Variants in CSMD2 observed in about 807,000 individuals in gnomAD.
The protein encoded by CSMD2 is CUB and Sushi multiple domains 2.
Under a neutral mutation model 398.5 loss-of-function variants are expected in CSMD2, and 130 were observed. That is an observed-to-expected ratio of 0.33 (90% CI 0.28 to 0.38). CSMD2 has a LOEUF of 0.38. CSMD2 is among the 10% of genes least tolerant of loss of function. CSMD2 has a pLI of 1.00. For synonymous variants in CSMD2, 1,828 were observed against 1,908.5 expected (o/e 0.96, Z 1.10); for missense variants, 3,829 against 4,764.9 (o/e 0.80, Z 5.78).
At chr1:33,719,836 A>G (rs529288079) in intron 19 of CSMD2, among the ~76,000 whole-genome samples, 2 of 152,348 alleles carry the variant, frequency 1.3e-5, no homozygotes, top group African/African-American at 4.8e-5. Context: ...TATGCAAAGC[A>G]CACAGCATAG....
At chr1:33,944,032 T>A (rs1644763055) in intron 3 of CSMD2, among the ~76,000 whole-genome samples, 1 of 152,014 alleles carries the variant, frequency 6.6e-6, no homozygotes, top group South Asian at 2.1e-4. Context: ...TTTTTTGGCC[T>A]TGCAGGCTAT....
At chr1:33,993,563 CCTCT>C (rs1006339239) in intron 3 of CSMD2, among the ~76,000 whole-genome samples, 5 of 151,974 alleles carry the variant, frequency 3.3e-5, no homozygotes, top group African/African-American at 7.3e-5. Context: ...CCAGCCTCTC[CCTCT>C]CTCTCTCGTC....
At chr1:33,910,630 C>T (rs1643400377) in intron 5 of CSMD2, among the ~76,000 whole-genome samples, 1 of 152,140 alleles carries the variant, frequency 6.6e-6, no homozygotes, top group Non-Finnish European at 1.5e-5. Flanking sequence ...GGCTGGTCCA[C>T]CAAGGTTTAT....
intron 3 of CSMD2, among the ~76,000 whole-genome samples, chr1:34,019,587 A>G (rs1164703674): frequency 6.6e-6 from 1 of 152,190 alleles, no homozygotes; most frequent in African/African-American, 2.4e-5. Flanking sequence ...GTGAAGGTTC[A>G]GAAACATTCT....
chr1:33,948,556 T>G (rs763111831), intron 3 of CSMD2, among the ~76,000 whole-genome samples: 1 of 152,196 alleles, frequency 6.6e-6, no homozygotes, highest in Non-Finnish European at 1.5e-5. Flanking sequence ...CACATGACAA[T>G]GGATACAACA....
intron 3 of CSMD2, among the ~76,000 whole-genome samples, chr1:33,959,098 A>G (rs1645263836): frequency 6.6e-6 from 1 of 152,176 alleles, no homozygotes; most frequent in South Asian, 2.1e-4. Flanking sequence ...TCGTGGTCAC[A>G]GTGAGATGAT....
intron 25 of CSMD2, among the ~76,000 whole-genome samples, chr1:33,673,812 T>G (rs1644601803): frequency 6.6e-6 from 1 of 152,216 alleles, no homozygotes; most frequent in African/African-American, 2.4e-5. Context: ...ATATTCAACA[T>G]TCTTAAAGAA....
chr1:34,160,332 T>C (rs1641214613), intron 1 of CSMD2, among the ~76,000 whole-genome samples: 1 of 152,228 alleles, frequency 6.6e-6, no homozygotes, highest in African/African-American at 2.4e-5. Flanking sequence ...AAATTCAAAT[T>C]CATACACACA....
At chr1:33,916,404 A>G (rs34757711) in intron 5 of CSMD2, among the ~76,000 whole-genome samples, 7,491 of 152,328 alleles carry the variant, frequency 0.049, 217 homozygotes, top group Middle Eastern at 0.12. Flanking sequence ...AAAGAGGCAG[A>G]GGTCCAAGGG....
In CSMD2 at chr1:33,623,298, A is replaced by T. The variant is rs938088089; in HGVS notation, c.5722+72T>A. Reference sequence around the variant, plus strand: ...AAGTGATATCTCAATAATAATAATGATAATAACAATGTTCATGATGATGAG... The same window carrying T: ...AAGTGATATCTCAATAATAATAATGTTAATAACAATGTTCATGATGATGAG... On this transcript the variant is annotated intron_variant, in intron 36 of 70. Coordinates refer to ENST00000373381, the MANE Select transcript of CSMD2 (RefSeq NM_001281956.2). The T allele has an allele frequency of 4.1e-6, 4 of 966,860 alleles. No homozygotes were observed. The African/African-American group carries it at 4.9e-5, about 12-fold the overall frequency. 59.9% of individuals were successfully genotyped at this position (966,860 alleles called of 1,614,324 possible).
chr1:33,715,336 T>A (rs796888350), intron 20 of CSMD2, among the ~76,000 whole-genome samples: 1 of 152,226 alleles, frequency 6.6e-6, no homozygotes, highest in Non-Finnish European at 1.5e-5. Context: ...CTCAGCTACG[T>A]TGGCACTTGA....
intron 5 of CSMD2, among the ~76,000 whole-genome samples, chr1:33,861,873 C>G (rs1558017469): frequency 6.6e-6 from 1 of 152,134 alleles, no homozygotes; most frequent in Non-Finnish European, 1.5e-5. Flanking sequence ...GACACAGAAC[C>G]AGCTCCAAGT....
chr1:33,866,034 C>T (rs1370144226), intron 5 of CSMD2, among the ~76,000 whole-genome samples: 1 of 152,162 alleles, frequency 6.6e-6, no homozygotes, highest in Non-Finnish European at 1.5e-5. Context: ...AACAGATCTC[C>T]CTAACTCCAC....
At chr1:33,784,410 T>C (rs1402560046) in intron 12 of CSMD2, among the ~76,000 whole-genome samples, 3 of 152,108 alleles carry the variant, frequency 2.0e-5, no homozygotes, top group Non-Finnish European at 2.9e-5. Context: ...GTGAGAATGA[T>C]GGGCTTTGCC....
rs1355685506 is a variant in CSMD2, at chr1:33,559,865, T to C, written c.8381-392A>G. On this transcript the variant is annotated intron_variant, in intron 53 of 70. Coordinates refer to ENST00000373381, the MANE Select transcript of CSMD2 (RefSeq NM_001281956.2). The surrounding 1 kb of genome is among the most constrained non-coding windows in gnomAD (Gnocchi z 4.0). ...GCTGGTTTAGGCCCATCCTCATTCCTGAGCCAACCTTGTAGAACCAGAGTG... is the reference window on the plus strand; with the variant it reads ...GCTGGTTTAGGCCCATCCTCATTCCCGAGCCAACCTTGTAGAACCAGAGTG... Among the ~76,000 whole-genome samples the C allele has an allele frequency of 6.6e-6, 1 of 152,182 alleles. No individual in the cohort carries two copies. The highest frequency in any genetic ancestry group is 2.4e-5 in the African/African-American group (1 of 41,442).
intron 22 of CSMD2, among the ~76,000 whole-genome samples, chr1:33,706,402 T>C (rs1208309025): frequency 1.3e-5 from 2 of 152,260 alleles, no homozygotes. Flanking sequence ...TGGGTGATCA[T>C]GTTTTTCATC....
At chr1:33,829,740 G>A (rs1335929348) in intron 6 of CSMD2, among the ~76,000 whole-genome samples, 1 of 152,200 alleles carries the variant, frequency 6.6e-6, no homozygotes, top group African/African-American at 2.4e-5. Flanking sequence ...GGATCAGGGA[G>A]TTCCCTTTCA....
intron 1 of CSMD2, among the ~76,000 whole-genome samples, chr1:34,091,322 C>G (rs188972344): frequency 6.6e-6 from 1 of 152,134 alleles, no homozygotes; most frequent in African/African-American, 2.4e-5. Flanking sequence ...TGGCTAGACA[C>G]TCTCCTAAAA....
rs75846180 is a variant in CSMD2 at position 33,851,334 on chromosome 1, C to G, written c.921-4338G>C. On this transcript the variant is annotated intron_variant, in intron 5 of 70. Transcript: ENST00000373381. ...TGGCTTCTGTCCTCCCAGAGCATCT[C>G]CTGTGGGCATTATCTGTTAAGTAAG... Among the ~76,000 whole-genome samples, 1,046 of 152,300 alleles carry G rather than the reference C, an allele frequency of 6.9e-3. 14 individuals carry two copies. The highest frequency in any genetic ancestry group is 0.034 in the East Asian group (174 of 5,176).
Sources: gnomAD v4.1 joint callset for allele counts (sites outside exome capture counted in the v4.1 genomes callset) on GRCh38, gnomAD v4.1.1 for gene constraint, Gnocchi (gnomAD v3.1) non-coding constraint, MANE v1.5 for transcripts, NCBI Gene and HGNC (gene_info 2026-07-23, HGNC 2026-07-21) for gene names.